The following ANO3 variants were observed in gnomAD, a reference collection of about 807,000 sequenced individuals.
ANO3 encodes anoctamin-3.
In ANO3, 99 loss-of-function variants were observed where a neutral mutation model predicts 144.8. The observed-to-expected ratio is 0.68, with a 90% confidence interval of 0.58 to 0.81. The LOEUF is 0.81. Among genes scored for constraint, ANO3 ranks in the 30% least tolerant of loss-of-function variants. ANO3 has a pLI of 0.00. For synonymous variants in ANO3, 414 were observed against 392.6 expected, an observed-to-expected ratio of 1.05 and a Z score of -0.64; for missense variants, 905 against 1,202.2, an observed-to-expected ratio of 0.75 and a Z score of 3.66.
At chr11:26,251,731 G>A (rs1469234832) in intron 1 of ANO3, among the ~76,000 whole-genome samples, 1 of 152,182 alleles carries the variant, frequency 6.6e-6, no homozygotes, top group Non-Finnish European at 1.5e-5. Flanking sequence ...ATGGCAGAAG[G>A]CGAAGGGGAA....
chr11:26,249,643 T>C (rs1852881520), intron 1 of ANO3, among the ~76,000 whole-genome samples: 1 of 152,088 alleles, frequency 6.6e-6, no homozygotes, highest in African/African-American at 2.4e-5. Context: ...ATATTTTATA[T>C]TATATTATTT....
upstream of ANO3, among the ~76,000 whole-genome samples, chr11:26,304,933 G>T (rs1050995269): frequency 1.3e-5 from 2 of 151,900 alleles, no homozygotes; most frequent in African/African-American, 4.8e-5. Flanking sequence ...TCTGCATTAT[G>T]ACTTTGTGAA....
chr11:26,471,039 T>A (rs1859763143), intron 4 of ANO3, among the ~76,000 whole-genome samples: 1 of 151,994 alleles, frequency 6.6e-6, no homozygotes, highest in Non-Finnish European at 1.5e-5. Flanking sequence ...CACCAGAAGC[T>A]GTGGTAAGCA....
At position 26,655,997 on chromosome 11, in the gene ANO3, G is replaced by T. The variant is rs1853675380; in HGVS notation, c.2577-128G>T. On this transcript the variant is annotated intron_variant, in intron 24 of 26. Transcript: ENST00000256737. ...GTTAGGGAATGGAATAAAAGAGCTT[G>T]GTTGCTAAAAGTTTATCATTAGAAT... The T allele has an allele frequency of 5.7e-6, 4 of 707,364 alleles. No individual in the cohort carries two copies. The East Asian group carries it at 8.2e-5, about 14-fold the overall frequency. The allele number at this position is 707,364 out of a possible 1,614,324, so 43.8% of individuals were successfully genotyped here. A position where few individuals can be genotyped will look rare whatever the true frequency, so the allele number is the denominator to read the frequency against.
At chr11:26,643,472 CT>C in intron 23 of ANO3, 138 bp downstream of exon 23, 1 of 1,100,368 alleles carries the variant, frequency 9.1e-7, no homozygotes, top group Non-Finnish European at 1.3e-6. Flanking sequence ...AGTGATTAAG[CT>C]GGCCGGGCGT....
chr11:26,470,656 T>TA (rs538500610), intron 4 of ANO3, among the ~76,000 whole-genome samples: 6 of 152,018 alleles, frequency 3.9e-5, no homozygotes, highest in Non-Finnish European at 5.9e-5. Flanking sequence ...AAAGTGGCTG[T>TA]AAAAAAATGT....
intron 14 of ANO3, chr11:26,565,926 C>A: frequency 6.6e-7 from 1 of 1,520,710 alleles, no homozygotes; most frequent in Non-Finnish European, 8.8e-7. Flanking sequence ...ATTTGAATTC[C>A]TTAAATAAAA....
chr11:26,405,961 T>C (rs1160688858), intron 1 of ANO3, among the ~76,000 whole-genome samples: 1 of 151,780 alleles, frequency 6.6e-6, no homozygotes, highest in Non-Finnish European at 1.5e-5. Flanking sequence ...GTGTTTCCAG[T>C]GGTATTTTTA....
intron 1 of ANO3, among the ~76,000 whole-genome samples, chr11:26,220,952 A>G (rs1852131273): frequency 6.6e-6 from 1 of 152,174 alleles, no homozygotes; most frequent in African/African-American, 2.4e-5. Context: ...TTGGGTGCAT[A>G]CAGCACTGCT....
At chr11:26,560,984 T>C in intron 14 of ANO3, 1 of 1,393,064 alleles carries the variant, frequency 7.2e-7, no homozygotes, top group Non-Finnish European at 9.8e-7. Context: ...AGTAATTTTG[T>C]GTAACCTTTT....
intron 17 of ANO3, among the ~76,000 whole-genome samples, chr11:26,615,728 A>G (rs933871480): frequency 3.9e-5 from 6 of 152,156 alleles, no homozygotes; most frequent in African/African-American, 1.4e-4. Flanking sequence ...TCTTCTTGCA[A>G]AATACCAACT....
At chr11:26,432,906 A>G (rs1858168571) in intron 1 of ANO3, among the ~76,000 whole-genome samples, 1 of 152,110 alleles carries the variant, frequency 6.6e-6, no homozygotes. Context: ...TACCATATGA[A>G]TTTTAAAATA....
At chr11:26,469,392 GAAAT>G (rs1447474533) in intron 4 of ANO3, among the ~76,000 whole-genome samples, 1 of 151,856 alleles carries the variant, frequency 6.6e-6, no homozygotes, top group African/African-American at 2.4e-5. Flanking sequence ...TTCACATCAG[GAAAT>G]AAATATTAAT....
At chr11:26,333,544 A>T (rs756989398) in intron 1 of ANO3, among the ~76,000 whole-genome samples, 1 of 152,228 alleles carries the variant, frequency 6.6e-6, no homozygotes, top group East Asian at 1.9e-4. Context: ...AGCCTCCCAA[A>T]GTGCTGGGAT....
At chr11:26,439,959 C>A (rs1247580106) in intron 1 of ANO3, among the ~76,000 whole-genome samples, 3 of 151,988 alleles carry the variant, frequency 2.0e-5, no homozygotes, top group Non-Finnish European at 4.4e-5. Flanking sequence ...ACTTAAATAT[C>A]CTCAAAGTGA....
chr11:26,368,711 T>A (rs753468184), intron 1 of ANO3, among the ~76,000 whole-genome samples: 6 of 151,960 alleles, frequency 3.9e-5, no homozygotes, highest in Non-Finnish European at 8.8e-5. Context: ...TTCATTGGTA[T>A]GTATAAATCT....
Position 26,598,372 on chromosome 11 carries a change from C to G in ANO3, c.1455C>G (p.Val485=), listed in dbSNP as rs375881108. ...FAIFMAIWAT[V]FLEFWKRRRS... ...CATTTTTATATTTTATAGCCACAGT[C>G]TTCCTGGAGTTTTGGAAAAGGAGAA... Residue 485 remains valine, a synonymous_variant, in exon 15 of 27, where the codon GTC becomes GTG. Coordinates refer to ENST00000256737, the MANE Select transcript of ANO3 (RefSeq NM_031418.4). 20 of 1,538,294 alleles carry G rather than the reference C, an allele frequency of 1.3e-5. No individual in the cohort carries two copies. The highest frequency in any genetic ancestry group is 1.6e-5 in the Non-Finnish European group (18 of 1,142,698).
rs532463979 is a variant in ANO3, at chr11:26,507,846, T to C, written c.433-258T>C. 2.9e-4 allele frequency among the ~76,000 whole-genome samples: 44 copies of C among 152,332 alleles called. No homozygotes were observed. The South Asian group carries it at 8.9e-3, about 31-fold the overall frequency. On this transcript the variant is annotated intron_variant, in intron 4 of 26. Transcript: ENST00000256737. The stretch of plus-strand genomic sequence containing the variant: ...CATGGGTCTTATTGAATAAAACATA[T>C]GCATTTTTATGCCAGCACCAGAGAA...
At chr11:26,523,178 C>G (rs1862154558) in intron 6 of ANO3, among the ~76,000 whole-genome samples, 3 of 152,166 alleles carry the variant, frequency 2.0e-5, no homozygotes, top group African/African-American at 7.2e-5. Flanking sequence ...CACTCACTAT[C>G]ATGAGAACAG....
Sources: allele counts gnomAD v4.1 joint callset (sites outside exome capture counted in the v4.1 genomes callset), GRCh38; gene constraint gnomAD v4.1.1; transcripts MANE v1.5; gene names NCBI Gene and HGNC (gene_info 2026-07-23, HGNC 2026-07-21).